DEPTOR: variants seen among roughly 807,000 people sequenced by gnomAD.
DEPTOR encodes DEP domain-containing mTOR-interacting protein.
DEPTOR carries 41 observed loss-of-function variants against 41.6 expected under a neutral mutation model. The observed-to-expected ratio is 0.98, with a 90% CI of 0.77 to 1.28. The LOEUF (loss-of-function observed/expected upper bound fraction) is 1.28, where lower values mean the gene tolerates loss of function less well. Among genes scored for constraint, DEPTOR ranks in the 50% most tolerant of loss-of-function variants. DEPTOR has a pLI of 0.00. For synonymous variants in DEPTOR, 195 were observed against 192.3 expected, an observed-to-expected ratio of 1.01 and a Z score of -0.12; for missense variants, 514 against 527.9, an observed-to-expected ratio of 0.97 and a Z score of 0.26.
intron 8 of DEPTOR, among the ~76,000 whole-genome samples, chr8:120,011,872 C>T (rs1812535752): frequency 6.6e-6 from 1 of 152,106 alleles, no homozygotes; most frequent in Non-Finnish European, 1.5e-5. Context: ...CAGTGGTTTT[C>T]TTATGTTATA....
At chr8:119,928,697 C>T in intron 2 of DEPTOR, 119 bp downstream of exon 2, 1 of 1,072,970 alleles carries the variant, frequency 9.3e-7, no homozygotes, top group Non-Finnish European at 1.3e-6. Flanking sequence ...TGTACCTCTC[C>T]CTGATTGCAT....
At chr8:119,882,110 C>T (rs141897342) in intron 1 of DEPTOR, among the ~76,000 whole-genome samples, 2,842 of 152,124 alleles carry the variant, frequency 0.019, 87 homozygotes, top group African/African-American at 0.064. Flanking sequence ...AGGCTTGTCT[C>T]GAACTCCTGA....
chr8:119,996,706 AT>A (rs539806153), intron 4 of DEPTOR, among the ~76,000 whole-genome samples: 21 of 152,032 alleles, frequency 1.4e-4, no homozygotes, highest in Non-Finnish European at 2.2e-4. Context: ...TCTGCTATAG[AT>A]TTTTTTTGGA....
chr8:119,893,877 T>G (rs539346840), intron 1 of DEPTOR, among the ~76,000 whole-genome samples: 8 of 152,244 alleles, frequency 5.3e-5, no homozygotes, highest in East Asian at 1.9e-4. Flanking sequence ...TTCTCCAGCC[T>G]CTGCCAGAGA....
At chr8:119,997,878 G>A (rs578160914) in intron 4 of DEPTOR, among the ~76,000 whole-genome samples, 14 of 152,260 alleles carry the variant, frequency 9.2e-5, no homozygotes, top group South Asian at 4.2e-4. Context: ...TGATAAATGC[G>A]TTAATATGAT....
intron 1 of DEPTOR, among the ~76,000 whole-genome samples, chr8:119,877,775 C>A (rs1259535908): frequency 6.6e-6 from 1 of 152,152 alleles, no homozygotes; most frequent in Non-Finnish European, 1.5e-5. Flanking sequence ...TAATATCTTC[C>A]CACATAAGAT....
At chr8:119,947,074 CT>C (rs1828288661) in intron 3 of DEPTOR, among the ~76,000 whole-genome samples, 1 of 152,152 alleles carries the variant, frequency 6.6e-6, no homozygotes, top group African/African-American at 2.4e-5. Flanking sequence ...CAGATTAGCT[CT>C]AATTTTCACA....
chr8:119,971,190 G>A (rs543875614), intron 4 of DEPTOR, among the ~76,000 whole-genome samples: 22 of 147,324 alleles, frequency 1.5e-4, no homozygotes, highest in Middle Eastern at 3.5e-3. Flanking sequence ...CGAAGATTGC[G>A]CCACCGCTCC....
chr8:119,945,175 A>G (rs1354965204), intron 3 of DEPTOR, among the ~76,000 whole-genome samples: 2 of 152,276 alleles, frequency 1.3e-5, no homozygotes, highest in South Asian at 4.1e-4. Flanking sequence ...AGATAGATGA[A>G]TGCATGGTAA....
intron 4 of DEPTOR, among the ~76,000 whole-genome samples, chr8:119,994,389 A>G (rs1812224301): frequency 1.3e-5 from 2 of 152,172 alleles, no homozygotes; most frequent in South Asian, 4.1e-4. Flanking sequence ...TTGAGCCTCT[A>G]CTTATATAAT....
chr8:119,979,754 G>A lies in DEPTOR; in HGVS notation c.604+14344G>A, dbSNP rs144137365. On this transcript the variant is annotated intron_variant, in intron 4 of 8. Coordinates refer to ENST00000286234, the MANE Select transcript of DEPTOR (RefSeq NM_022783.4). ...TTTGGTCATATTGGCAGTTGGCAAA[G>A]CCTCCAGGCCACTGGGGAAGGGGTG... is the stretch of plus-strand genomic sequence containing the variant. Among the ~76,000 whole-genome samples, 630 of 152,236 alleles carry A rather than the reference G, an allele frequency of 4.1e-3. 1 individual carries two copies. The highest frequency in any genetic ancestry group is 7.6e-3 in the Non-Finnish European group (518 of 68,006).
intron 1 of DEPTOR, among the ~76,000 whole-genome samples, chr8:119,879,365 A>T (rs1827268395): frequency 6.6e-6 from 1 of 152,222 alleles, no homozygotes; most frequent in African/African-American, 2.4e-5. Context: ...ATGAGAAAAC[A>T]TGTCTACATA....
chr8:119,990,539 C>T (rs915080675), intron 4 of DEPTOR, among the ~76,000 whole-genome samples: 39 of 152,180 alleles, frequency 2.6e-4, no homozygotes, highest in African/African-American at 8.2e-4. Context: ...ACATTTCTGG[C>T]AGTAAGACAC....
intron 4 of DEPTOR, among the ~76,000 whole-genome samples, chr8:119,978,950 T>C (rs72673656): frequency 1.5e-4 from 3 of 19,842 alleles, no homozygotes; most frequent in African/African-American, 4.8e-4. Flanking sequence ...TCCCTCTCCC[T>C]GCTCCCTGCT....
intron 3 of DEPTOR, among the ~76,000 whole-genome samples, chr8:119,931,224 A>C (rs1171413145): frequency 6.6e-6 from 1 of 152,050 alleles, no homozygotes; most frequent in African/African-American, 2.4e-5. Flanking sequence ...ACTAAAAAAA[A>C]ACAAAACATA....
intron 1 of DEPTOR, among the ~76,000 whole-genome samples, chr8:119,893,593 C>A (rs1014546549): frequency 6.6e-6 from 1 of 152,126 alleles, no homozygotes; most frequent in African/African-American, 2.4e-5. Flanking sequence ...CTTTGGGAGA[C>A]CGCAGTAGGT....
intron 3 of DEPTOR, among the ~76,000 whole-genome samples, chr8:119,940,763 T>TA (rs1234898324): frequency 2.0e-5 from 3 of 151,634 alleles, no homozygotes; most frequent in African/African-American, 4.8e-5. Flanking sequence ...ATAATAATTT[T>TA]AAAAAAAAGA....
chr8:119,883,594 C>T (rs1376344090), intron 1 of DEPTOR, among the ~76,000 whole-genome samples: 3 of 151,842 alleles, frequency 2.0e-5, no homozygotes, highest in African/African-American at 7.3e-5. Context: ...TGGGGAAGCC[C>T]GTGGCAGCTG....
chr8:119,891,908 T>C (rs1586601349), intron 1 of DEPTOR, among the ~76,000 whole-genome samples: 1 of 152,244 alleles, frequency 6.6e-6, no homozygotes, highest in Non-Finnish European at 1.5e-5. Context: ...ATAACTCAAC[T>C]GAGTAAAGGT....
Sources: allele counts gnomAD v4.1 joint callset (sites outside exome capture counted in the v4.1 genomes callset), GRCh38; gene constraint gnomAD v4.1.1; transcripts MANE v1.5; gene names NCBI Gene and HGNC (gene_info 2026-07-23, HGNC 2026-07-21).